The following HOOK3 variants were observed in gnomAD, a reference collection of about 807,000 sequenced individuals.
The protein encoded by HOOK3 is hook microtubule tethering protein 3, also known as protein Hook homolog 3.
Under a neutral mutation model 116.3 loss-of-function variants are expected in HOOK3, and 24 were observed. That is an observed-to-expected ratio of 0.21 (90% CI 0.15 to 0.29). The LOEUF (loss-of-function observed/expected upper bound fraction) is 0.29, where lower values mean the gene tolerates loss of function less well. Ranked by LOEUF, HOOK3 falls within the 10% of genes least tolerant of loss-of-function variation. The pLI is 1.00. For synonymous variants in HOOK3, 275 were observed against 283.0 expected (o/e 0.97, Z 0.28); for missense variants, 632 against 830.2 (o/e 0.76, Z 2.93).
At chr8:42,973,156 T>C in intron 11 of HOOK3, 133 bp from the exon 12 acceptor site, 1 of 951,200 alleles carries the variant, frequency 1.1e-6, no homozygotes, top group Non-Finnish European at 1.5e-6. Flanking sequence ...CTCTCCACTG[T>C]GTTAGACTGC....
chr8:42,914,263 G>A (rs1263414533), intron 2 of HOOK3, among the ~76,000 whole-genome samples: 2 of 152,060 alleles, frequency 1.3e-5, no homozygotes, highest in African/African-American at 4.8e-5. Flanking sequence ...TAGTACTCTT[G>A]TCTAAACTCT....
intron 17 of HOOK3, among the ~76,000 whole-genome samples, chr8:43,003,127 T>C (rs1299810375): frequency 6.6e-6 from 1 of 152,210 alleles, no homozygotes; most frequent in African/African-American, 2.4e-5. Context: ...TTAGTGACTG[T>C]GAATTAATAG....
chr8:42,977,289 A>C (rs1287772556), intron 13 of HOOK3, among the ~76,000 whole-genome samples: 2 of 152,176 alleles, frequency 1.3e-5, no homozygotes, highest in African/African-American at 4.8e-5. Flanking sequence ...CAGCTTCTAA[A>C]ATGGGAACCA....
intron 2 of HOOK3, among the ~76,000 whole-genome samples, chr8:42,909,631 T>TTTG (rs762575184): frequency 2.6e-5 from 4 of 152,066 alleles, no homozygotes; most frequent in Admixed American, 1.3e-4. Flanking sequence ...CCCAGCCTTT[T>TTTG]TTGTTGTTGT....
intron 1 of HOOK3, 122 bp from the exon 2 acceptor site, chr8:42,906,051 C>T (rs548109340): frequency 1.3e-5 from 9 of 710,254 alleles, no homozygotes; most frequent in South Asian, 6.3e-5. Flanking sequence ...GGGGCCATTG[C>T]ACTCCAGCCT....
chr8:42,960,791 A>G (rs1476220187), intron 8 of HOOK3, among the ~76,000 whole-genome samples: 4 of 152,232 alleles, frequency 2.6e-5, no homozygotes, highest in African/African-American at 9.6e-5. Context: ...AAGGCCTTCC[A>G]TGGTTGAGTA....
chr8:42,955,748 A>G (rs1297617883), intron 6 of HOOK3, among the ~76,000 whole-genome samples: 1 of 152,140 alleles, frequency 6.6e-6, no homozygotes, highest in Non-Finnish European at 1.5e-5. Context: ...ATGTTGAGGA[A>G]CAGATAAAAT....
chr8:42,968,847 T>A (rs1411911442), intron 11 of HOOK3, among the ~76,000 whole-genome samples: 1 of 152,226 alleles, frequency 6.6e-6, no homozygotes, highest in South Asian at 2.1e-4. Flanking sequence ...GCCTCCATGC[T>A]GCGGCTTTCA....
intron 21 of HOOK3, among the ~76,000 whole-genome samples, chr8:43,013,783 G>A (rs941400765): frequency 6.6e-6 from 1 of 152,130 alleles, no homozygotes; most frequent in South Asian, 2.1e-4. Context: ...TATCTCATGG[G>A]GTTTGGAAAA....
chr8:43,013,450 A>T, intron 21 of HOOK3, 50 bp downstream of exon 21: 1 of 1,380,242 alleles, frequency 7.2e-7, no homozygotes, highest in African/African-American at 1.5e-5. Context: ...TGAATATGTA[A>T]TACTTATTAT....
At chr8:42,935,943 T>C (rs1807961477) in intron 4 of HOOK3, among the ~76,000 whole-genome samples, 1 of 152,240 alleles carries the variant, frequency 6.6e-6, no homozygotes, top group Non-Finnish European at 1.5e-5. Context: ...CAGTGGTAGC[T>C]GTATGGGGAT....
intron 4 of HOOK3, among the ~76,000 whole-genome samples, chr8:42,934,719 G>T (rs1160839784): frequency 6.6e-6 from 1 of 152,122 alleles, no homozygotes; most frequent in Admixed American, 6.6e-5. Flanking sequence ...CAAAGGACAT[G>T]AACTCATCCT....
At chr8:42,992,730 A>G (rs987332529) in intron 15 of HOOK3, among the ~76,000 whole-genome samples, 1 of 151,582 alleles carries the variant, frequency 6.6e-6, no homozygotes, top group African/African-American at 2.4e-5. Context: ...AAAAAAAAAA[A>G]AGAAATGTTA....
intron 17 of HOOK3, among the ~76,000 whole-genome samples, chr8:43,005,457 C>G (rs755895738): frequency 4.6e-5 from 7 of 151,520 alleles, no homozygotes; most frequent in African/African-American, 1.7e-4. Flanking sequence ...CTCCTGACCT[C>G]GTGATCCGCC....
At chr8:42,927,312 A>C (rs1334892415) in intron 3 of HOOK3, among the ~76,000 whole-genome samples, 1 of 137,748 alleles carries the variant, frequency 7.3e-6, no homozygotes, top group Non-Finnish European at 1.5e-5. Flanking sequence ...GCTGTAGTGC[A>C]GTGGTGCAAT....
At chr8:42,935,988 G>A (rs1250539143) in intron 4 of HOOK3, among the ~76,000 whole-genome samples, 1 of 152,106 alleles carries the variant, frequency 6.6e-6, no homozygotes, top group Non-Finnish European at 1.5e-5. Context: ...GGGCAGGATG[G>A]CCATTTTCAC....
intron 2 of HOOK3, among the ~76,000 whole-genome samples, chr8:42,909,490 G>T (rs1299685160): frequency 6.6e-6 from 1 of 152,218 alleles, no homozygotes; most frequent in Admixed American, 6.5e-5. Flanking sequence ...TCGAGACAGG[G>T]TCTCACTCTG....
intron 1 of HOOK3, among the ~76,000 whole-genome samples, chr8:42,902,575 A>G (rs1049632662): frequency 1.3e-5 from 2 of 152,128 alleles, no homozygotes; most frequent in Admixed American, 6.5e-5. Flanking sequence ...CCCTGCCAAA[A>G]TGTGTATTTT....
intron 2 of HOOK3, 31 bp from the exon 3 acceptor site, chr8:42,925,526 T>C (rs765668561): frequency 1.4e-6 from 2 of 1,462,056 alleles, no homozygotes; most frequent in South Asian, 2.5e-5. Context: ...GCTACATGAT[T>C]TTAATATGTA....
Sources: allele counts gnomAD v4.1 joint callset (sites outside exome capture counted in the v4.1 genomes callset), GRCh38; gene constraint gnomAD v4.1.1; transcripts MANE v1.5; gene names NCBI Gene and HGNC (gene_info 2026-07-23, HGNC 2026-07-21).